Variants in DAB1 observed in about 807,000 individuals in gnomAD.
The protein encoded by DAB1 is DAB adaptor protein 1.
DAB1 carries 15 observed loss-of-function variants against 64.6 expected under a neutral mutation model. That is an observed-to-expected ratio of 0.23 (90% CI 0.16 to 0.36). DAB1 has a LOEUF of 0.36. DAB1 is among the 10% of genes least tolerant of loss of function. The pLI, the probability that DAB1 is intolerant of heterozygous loss-of-function variation, is 1.00. For synonymous variants in DAB1, 235 were observed against 251.9 expected, an observed-to-expected ratio of 0.93 and a Z score of 0.64; for missense variants, 596 against 706.7, an observed-to-expected ratio of 0.84 and a Z score of 1.78.
At chr1:57,749,155 G>A (rs1245552373) in intron 6 of DAB1, among the ~76,000 whole-genome samples, 1 of 152,184 alleles carries the variant, frequency 6.6e-6, no homozygotes, top group African/African-American at 2.4e-5. Flanking sequence ...GAGTGGAAGT[G>A]AGGGGAGGGA....
intron 2 of DAB1, among the ~76,000 whole-genome samples, chr1:57,249,843 T>A (rs530566499): frequency 6.6e-5 from 10 of 152,358 alleles, no homozygotes; most frequent in Admixed American, 3.9e-4. Flanking sequence ...TGCCCAGATA[T>A]TTCCTCTTCT....
At chr1:57,722,554 T>C (rs886314213) in intron 6 of DAB1, among the ~76,000 whole-genome samples, 6 of 152,186 alleles carry the variant, frequency 3.9e-5, no homozygotes, top group African/African-American at 1.4e-4. Flanking sequence ...AGATAAGGAA[T>C]GTGAGAGTGA....
At position 57,136,635 on chromosome 1, in the gene DAB1, C is replaced by T; in HGVS notation, c.214G>A (p.Val72Ile). The T allele has an allele frequency of 6.6e-7, 1 of 1,522,970 alleles. No individual in the cohort carries two copies. Among genetic ancestry groups the T allele is most frequent in the Non-Finnish European group, 8.9e-7 (1 of 1,118,912 alleles). 94.3% of individuals were successfully genotyped at this position (1,522,970 alleles called of 1,614,324 possible). Residue 72 changes from valine (V) to isoleucine (I), a missense_variant, in exon 4 of 15, where the codon GTT (valine) becomes ATT (isoleucine). Coordinates refer to ENST00000371236, the MANE Select transcript of DAB1 (RefSeq NM_001365792.1). ...QDSMMKLKGV[V>I]AGARSKGEHK... ...TCTCCTTTGGAACGAGCGCCAGCAACAACGCCCTGTTGAAAGGAAGAACAT... is the reference window on the plus strand; with the variant it reads ...TCTCCTTTGGAACGAGCGCCAGCAATAACGCCCTGTTGAAAGGAAGAACAT...
chr1:58,267,089 A>G (rs1661186839), intron 4 of DAB1, among the ~76,000 whole-genome samples: 1 of 152,166 alleles, frequency 6.6e-6, no homozygotes, highest in South Asian at 2.1e-4. Flanking sequence ...GCATCATGGC[A>G]TACGCCTGTG....
chr1:58,126,846 T>A (rs948259736), intron 5 of DAB1, among the ~76,000 whole-genome samples: 1 of 149,046 alleles, frequency 6.7e-6, no homozygotes, highest in Non-Finnish European at 1.5e-5. Context: ...ATTTTCTTAA[T>A]CCAGTCTATC....
At chr1:57,084,724 C>T (rs568980710) in intron 4 of DAB1, among the ~76,000 whole-genome samples, 1 of 151,986 alleles carries the variant, frequency 6.6e-6, no homozygotes. Context: ...GAATAACAAA[C>T]CTTTTTGTTT....
intron 4 of DAB1, among the ~76,000 whole-genome samples, chr1:57,077,713 T>C (rs1208161985): frequency 6.6e-6 from 1 of 152,206 alleles, no homozygotes; most frequent in Non-Finnish European, 1.5e-5. Context: ...TAATTTGTAG[T>C]ATGGTTCAAT....
Position 58,396,989 on chromosome 1 carries a change from C to T in DAB1, n.258-53586G>A, listed in dbSNP as rs149825658. Among the ~76,000 whole-genome samples, 101 of 151,436 alleles carry T rather than the reference C, an allele frequency of 6.7e-4. No homozygotes were observed. The East Asian group carries it at 0.016, about 24-fold the overall frequency. On this transcript the variant is annotated intron_variant and non_coding_transcript_variant, in intron 3 of 20. Transcript: ENST00000485760. ...CTGAGGCAGGAGAATGGCGTGAACCCGGGAGGCGGAGCTTGCAGTGAGCCG... is the reference window on the plus strand; with the variant it reads ...CTGAGGCAGGAGAATGGCGTGAACCTGGGAGGCGGAGCTTGCAGTGAGCCG...
intron 6 of DAB1, among the ~76,000 whole-genome samples, chr1:57,813,068 C>T (rs915259814): frequency 1.3e-5 from 2 of 152,124 alleles, no homozygotes; most frequent in South Asian, 2.1e-4. Flanking sequence ...CTTAAACATA[C>T]GTATGTATAT....
At chr1:57,322,800 C>T (rs995715689) in intron 1 of DAB1, among the ~76,000 whole-genome samples, 8 of 152,110 alleles carry the variant, frequency 5.3e-5, no homozygotes, top group African/African-American at 1.9e-4. Flanking sequence ...AAAATGCTAA[C>T]CTGGAGGGGG....
At chr1:57,435,949 C>T (rs1290085788) in intron 7 of DAB1, among the ~76,000 whole-genome samples, 1 of 137,114 alleles carries the variant, frequency 7.3e-6, no homozygotes, top group Non-Finnish European at 1.5e-5. Flanking sequence ...TGGAGTCTCG[C>T]TCTGTGGCCC....
chr1:57,806,804 A>G (rs751539140), intron 6 of DAB1, among the ~76,000 whole-genome samples: 2 of 152,136 alleles, frequency 1.3e-5, no homozygotes, highest in Non-Finnish European at 2.9e-5. Flanking sequence ...AAAAATTAAC[A>G]CATTCCCTAA....
chr1:58,298,632 C>T (rs1662046271), intron 4 of DAB1, among the ~76,000 whole-genome samples: 2 of 152,210 alleles, frequency 1.3e-5, no homozygotes, highest in Admixed American at 6.5e-5. Context: ...TCACTGCACA[C>T]ATGCTGGAGA....
chr1:58,133,008 T>C (rs1653726582), intron 5 of DAB1, among the ~76,000 whole-genome samples: 1 of 152,240 alleles, frequency 6.6e-6, no homozygotes, highest in East Asian at 1.9e-4. Context: ...CTTGGGCATA[T>C]CTGTATTTAC....
intron 1 of DAB1, among the ~76,000 whole-genome samples, chr1:58,531,837 T>C (rs368450008): frequency 5.9e-5 from 9 of 152,078 alleles, no homozygotes; most frequent in African/African-American, 2.2e-4. Flanking sequence ...GCCTCCCGAG[T>C]ACCTGTGATT....
intron 1 of DAB1, chr1:58,538,799 C>T (rs1006187434): frequency 5.0e-6 from 4 of 799,998 alleles, no homozygotes; most frequent in Admixed American, 4.6e-5. Context: ...TTTTACCTGC[C>T]TACAATGATT....
chr1:57,030,870 C>A (rs549991021), intron 9 of DAB1, among the ~76,000 whole-genome samples: 2 of 152,320 alleles, frequency 1.3e-5, no homozygotes, highest in South Asian at 4.1e-4. Flanking sequence ...AGCTTCTGGG[C>A]TTCTTTGAGA....
chr1:57,369,907 G>C (rs181924341), intron 1 of DAB1, among the ~76,000 whole-genome samples: 2 of 152,214 alleles, frequency 1.3e-5, no homozygotes, highest in African/African-American at 4.8e-5. Flanking sequence ...AGATCATCCA[G>C]CTACGAAGTC....
chr1:57,948,371 T>TA (rs1645214898), intron 5 of DAB1, among the ~76,000 whole-genome samples: 2 of 152,236 alleles, frequency 1.3e-5, no homozygotes, highest in South Asian at 4.1e-4. Context: ...TTCCAAACTT[T>TA]AAAAAATGTC....
Sources: allele counts gnomAD v4.1 joint callset (sites outside exome capture counted in the v4.1 genomes callset), GRCh38; gene constraint gnomAD v4.1.1; transcripts MANE v1.5; gene names NCBI Gene and HGNC (gene_info 2026-07-23, HGNC 2026-07-21).